Variants in RAB3IP observed in about 807,000 individuals in gnomAD.
The protein encoded by RAB3IP is RAB3A interacting protein, also known as rab-3A-interacting protein.
A neutral mutation model predicts 59.1 loss-of-function variants in RAB3IP; 36 were observed. The ratio of observed to expected loss-of-function variants is 0.61; its 90% CI spans 0.47 to 0.80. The LOEUF (loss-of-function observed/expected upper bound fraction) is 0.80, where lower values mean the gene tolerates loss of function less well. Among genes scored for constraint, RAB3IP ranks in the 30% least tolerant of loss-of-function variants. RAB3IP has a pLI of 0.00. For missense variants in RAB3IP, 511 were observed against 536.0 expected (o/e 0.95, Z 0.46); for synonymous variants, 207 against 191.2 (o/e 1.08, Z -0.68).
chr12:69,815,415 C>T lies in RAB3IP; in HGVS notation c.1352C>T (p.Ala451Val), dbSNP rs574698521. 2.5e-6 allele frequency: 4 copies of T among 1,612,686 alleles called. No individual in the cohort carries two copies. Among genetic ancestry groups the T allele is most frequent in the Non-Finnish European group, 2.5e-6 (3 of 1,178,862 alleles). The change falls in exon 11 of 11, where the codon GCA becomes GTA. Residue 451 changes from alanine (A) to valine (V), a missense_variant. Transcript: ENST00000247833. The part of the protein sequence containing the change: ...VMQLRKEMSL[A>V]KLGYFKEEL Reference sequence around the variant, plus strand: ...CAGTTGAGAAAAGAGATGTCATTGGCAAAGCTGGGTTATTTCAAAGAGGAA... The same window carrying T: ...CAGTTGAGAAAAGAGATGTCATTGGTAAAGCTGGGTTATTTCAAAGAGGAA...
At chr12:69,781,699 T>C (rs1018130166) in intron 3 of RAB3IP, among the ~76,000 whole-genome samples, 5 of 151,872 alleles carry the variant, frequency 3.3e-5, no homozygotes, top group Admixed American at 6.5e-5. Context: ...TTTTCATGGC[T>C]TGTTAGTTCA....
intron 8 of RAB3IP, among the ~76,000 whole-genome samples, chr12:69,810,501 G>A (rs1592629028): frequency 1.3e-5 from 2 of 152,142 alleles, no homozygotes; most frequent in East Asian, 3.9e-4. Context: ...GTTCCTATTC[G>A]GCCATCTTGG....
rs934241902 is a variant in RAB3IP, at chr12:69,814,716, T to C, written c.1301-648T>C. Among the ~76,000 whole-genome samples, 28 of 152,204 alleles carry C rather than the reference T, an allele frequency of 1.8e-4. No individual in the cohort carries two copies. In the East Asian group the frequency reaches 5.2e-3, roughly 28 times the overall value. On this transcript the variant is annotated intron_variant, in intron 10 of 10. Transcript: ENST00000247833. ...ATCTTCCCTGATTGAGAACCATTGA[T>C]CTAAATGAATATAATCTGATCATAT...
intron 6 of RAB3IP, 48 bp from the exon 7 acceptor site, chr12:69,800,161 G>C (rs202084940): frequency 7.0e-7 from 1 of 1,427,544 alleles, no homozygotes; most frequent in Non-Finnish European, 9.2e-7. Context: ...CGGTTTTTAT[G>C]TTTATACGTT....
chr12:69,784,487 G>A (rs1439957877), intron 3 of RAB3IP, among the ~76,000 whole-genome samples: 1 of 150,146 alleles, frequency 6.7e-6, no homozygotes, highest in Non-Finnish European at 1.5e-5. Flanking sequence ...TTTAATTTTT[G>A]GATATTTTAT....
intron 8 of RAB3IP, among the ~76,000 whole-genome samples, chr12:69,806,297 G>A (rs1240403872): frequency 1.3e-5 from 2 of 152,188 alleles, no homozygotes; most frequent in Non-Finnish European, 2.9e-5. Flanking sequence ...GGTGTTTATA[G>A]TATTCTCTGA....
At chr12:69,758,506 T>C (rs556941129) in intron 3 of RAB3IP, among the ~76,000 whole-genome samples, 30 of 152,292 alleles carry the variant, frequency 2.0e-4, no homozygotes, top group Admixed American at 3.3e-4. Flanking sequence ...TATCACTCTC[T>C]ACCTTCCGGT....
rs767382883 is a variant in RAB3IP, at chr12:69,812,966, C to G, written c.1233C>G (p.Ile411Met). 6.2e-7 allele frequency: 1 copy of G among 1,613,222 alleles called. No homozygotes were observed. Among genetic ancestry groups the G allele is most frequent in the Admixed American group, 1.7e-5 (1 of 60,018 alleles). ...GACATTTTCTCCATTTGGCCTAGAT[C>G]ACTTCTGTATGTAACTTTTTTACAT... ...YYISPFCRYRITSVCNFFTYI... is the reference protein window; with the variant it reads ...YYISPFCRYRMTSVCNFFTYI... Residue 411 changes from isoleucine (I) to methionine (M), a missense_variant and splice_region_variant, in exon 10 of 11, where the codon ATC becomes ATG. Transcript: ENST00000247833.
At position 69,819,832 on chromosome 12, in the gene RAB3IP, C is replaced by G. The variant is rs540633417; in HGVS notation, c.*4386C>G. ...CTACATTCTGGTCTAGGTTTGGCTC[C>G]CAAAAACTGGGAAGGTTAGTTAGGT... On this transcript the variant is annotated 3_prime_UTR_variant, in exon 11 of 11. Transcript: ENST00000247833. 6.6e-6 allele frequency: 1 copy of G among 152,104 alleles called. No individual in the cohort carries two copies. Among genetic ancestry groups the G allele is most frequent in the South Asian group, 2.1e-4 (1 of 4,818 alleles). The allele number at this position is 152,104 out of a possible 1,614,324, so 9.4% of individuals were successfully genotyped here. A position where few individuals can be genotyped will look rare whatever the true frequency, so the allele number is the denominator to read the frequency against.
intron 8 of RAB3IP, among the ~76,000 whole-genome samples, chr12:69,811,651 A>T (rs1277504622): frequency 6.6e-6 from 1 of 152,202 alleles, no homozygotes; most frequent in Non-Finnish European, 1.5e-5. Flanking sequence ...GCTAGTAGTT[A>T]GTGCTTTTAA....
In RAB3IP at chr12:69,815,366, G is replaced by T. The variant is rs1221785046; in HGVS notation, c.1303G>T (p.Asp435Tyr). The T allele has an allele frequency of 1.9e-6, 3 of 1,601,642 alleles. No homozygotes were observed. The highest frequency in any genetic ancestry group is 2.2e-5 in the East Asian group (1 of 44,766). Reference sequence around the variant, plus strand: ...ATCTCTCTTTTCTGTTTGTATAGTTGATCAGATGTTTTGGGAGGTTATGCA... The same window carrying T: ...ATCTCTCTTTTCTGTTTGTATAGTTTATCAGATGTTTTGGGAGGTTATGCA... ...QQGLVKQQDVDQMFWEVMQLR... is the reference protein window; with the variant it reads ...QQGLVKQQDVYQMFWEVMQLR... Residue 435 changes from aspartate to tyrosine, a missense_variant and splice_region_variant, in exon 11 of 11, where the codon GAT becomes TAT. By Grantham distance (160) the Asp-to-Tyr change is radical. Coordinates refer to ENST00000247833, the MANE Select transcript of RAB3IP (RefSeq NM_022456.5).
intron 3 of RAB3IP, among the ~76,000 whole-genome samples, chr12:69,769,402 A>T (rs1872744337): frequency 6.6e-6 from 1 of 152,166 alleles, no homozygotes; most frequent in African/African-American, 2.4e-5. Context: ...CAGGATAGGG[A>T]ACCCCAGTGG....
At chr12:69,793,313 A>C (rs995017634) in intron 4 of RAB3IP, among the ~76,000 whole-genome samples, 1 of 152,206 alleles carries the variant, frequency 6.6e-6, no homozygotes, top group Non-Finnish European at 1.5e-5. Context: ...CTGCAGTGTT[A>C]CAATACTGTA....
chr12:69,752,735 A>G (rs1869542535), intron 1 of RAB3IP, among the ~76,000 whole-genome samples: 2 of 152,230 alleles, frequency 1.3e-5, no homozygotes, highest in South Asian at 4.1e-4. Flanking sequence ...TATGGGATAG[A>G]AGAAAGAATC....
chr12:69,794,148 G>T (rs1415409009), intron 4 of RAB3IP, among the ~76,000 whole-genome samples: 1 of 152,156 alleles, frequency 6.6e-6, no homozygotes, highest in East Asian at 1.9e-4. Context: ...TGACACATTG[G>T]TCATTGTTTG....
chr12:69,797,477 C>CTTTTTTTTT, intron 6 of RAB3IP, among the ~76,000 whole-genome samples: 57 of 54,912 alleles, frequency 1.0e-3, no homozygotes, highest in East Asian at 1.3e-3. Flanking sequence ...TCTTTTCTTT[C>CTTTTTTTTT]TTTTTTTTTT....
At position 69,815,438 on chromosome 12, in the gene RAB3IP, G is replaced by A. The variant is rs761664719; in HGVS notation, c.1375G>A (p.Glu459Lys). The change falls in exon 11 of 11, where the codon GAA becomes AAA. Residue 459 changes from glutamate (E) to lysine (K), a missense_variant. Glu to Lys is a moderately conservative substitution (Grantham distance 56). Transcript: ENST00000247833. ...GGCAAAGCTGGGTTATTTCAAAGAG[G>A]AACTCTGATGCTCTGCGTGGGACCA... ...SLAKLGYFKE[E>K]L 2 of 1,609,068 alleles carry A rather than the reference G, an allele frequency of 1.2e-6. No individual in the cohort carries two copies. The highest frequency in any genetic ancestry group is 3.3e-5 in the Admixed American group (2 of 59,988).
At chr12:69,788,997 A>G (rs1216152775) in intron 4 of RAB3IP, among the ~76,000 whole-genome samples, 2 of 152,090 alleles carry the variant, frequency 1.3e-5, no homozygotes, top group African/African-American at 4.8e-5. Flanking sequence ...CTTGAGACGA[A>G]TAAAACTGAA....
chr12:69,817,045 G>A lies in RAB3IP; in HGVS notation c.*1599G>A, dbSNP rs1881201397. The A allele has an allele frequency of 6.6e-6, 1 of 152,160 alleles. No individual in the cohort carries two copies. Among genetic ancestry groups the A allele is most frequent in the Non-Finnish European group, 1.5e-5 (1 of 68,024 alleles). The allele number at this position is 152,160 out of a possible 1,614,324, so 9.4% of individuals were successfully genotyped here. ...ATTAATAAGAATATGTACCATCAAA[G>A]CTTCAGAAGATTTTCCGTACAAACT... On this transcript the variant is annotated 3_prime_UTR_variant, in exon 11 of 11. Coordinates refer to ENST00000247833, the MANE Select transcript of RAB3IP (RefSeq NM_022456.5).
Sources: allele counts gnomAD v4.1 joint callset (sites outside exome capture counted in the v4.1 genomes callset), GRCh38; gene constraint gnomAD v4.1.1; transcripts MANE v1.5; gene names NCBI Gene and HGNC (gene_info 2026-07-23, HGNC 2026-07-21).